Variants in STPG2 observed in about 807,000 individuals in gnomAD.
STPG2 encodes the protein sperm tail PG-rich repeat containing 2, also known as sperm-tail PG-rich repeat-containing protein 2.
STPG2 carries 56 observed loss-of-function variants against 54.2 expected under a neutral mutation model. The observed-to-expected ratio is 1.03, with a 90% CI of 0.83 to 1.29. STPG2 has a LOEUF of 1.29. Among genes scored for constraint, STPG2 ranks in the 50% most tolerant of loss-of-function variants. The pLI is 0.00. For synonymous variants in STPG2, 200 were observed against 181.8 expected (o/e 1.10, Z -0.81); for missense variants, 596 against 544.9 (o/e 1.09, Z -0.93).
chr4:98,113,915 G>C (rs1040741983), intron 3 of STPG2, among the ~76,000 whole-genome samples: 3 of 151,980 alleles, frequency 2.0e-5, no homozygotes, highest in Admixed American at 6.6e-5. Context: ...TGGGTGTAGG[G>C]GGGCAGAGAC....
chr4:97,944,933 A>C (rs1188127021), intron 7 of STPG2, among the ~76,000 whole-genome samples: 1 of 152,222 alleles, frequency 6.6e-6, no homozygotes, highest in Non-Finnish European at 1.5e-5. Context: ...ACTTTCAAAA[A>C]TAGAACAATC....
chr4:98,022,382 G>A (rs1263194923), intron 5 of STPG2, among the ~76,000 whole-genome samples: 1 of 152,190 alleles, frequency 6.6e-6, no homozygotes, highest in Non-Finnish European at 1.5e-5. Context: ...TCTGCCAAGA[G>A]ATCCACTGTT....
At chr4:97,988,233 T>C (rs1272079223) in intron 5 of STPG2, among the ~76,000 whole-genome samples, 1 of 152,188 alleles carries the variant, frequency 6.6e-6, no homozygotes, top group African/African-American at 2.4e-5. Flanking sequence ...ATCAGGTCAC[T>C]ATACAATGTC....
chr4:97,764,093 A>C (rs138586628), intron 9 of STPG2, among the ~76,000 whole-genome samples: 97 of 147,784 alleles, frequency 6.6e-4, no homozygotes, highest in Admixed American at 2.5e-3. Context: ...CTTCAAATCC[A>C]ACCTCCACAA....
chr4:97,685,558 G>A (rs1332781449), intron 10 of STPG2, among the ~76,000 whole-genome samples: 1 of 152,126 alleles, frequency 6.6e-6, no homozygotes, highest in Non-Finnish European at 1.5e-5. Flanking sequence ...ATGCAGGCAT[G>A]AATAGGTAGA....
intron 6 of STPG2, among the ~76,000 whole-genome samples, chr4:97,974,061 T>A (rs956178417): frequency 2.0e-5 from 3 of 152,178 alleles, no homozygotes; most frequent in African/African-American, 7.2e-5. Flanking sequence ...GGAGGCTGTA[T>A]CCTGCAAAGC....
At chr4:98,080,114 T>G (rs990148642) in intron 5 of STPG2, among the ~76,000 whole-genome samples, 7 of 152,048 alleles carry the variant, frequency 4.6e-5, no homozygotes, top group Admixed American at 1.3e-4. Context: ...AAAGTAAATA[T>G]ATAAAATCCA....
Position 97,690,041 on chromosome 4 carries a change from T to G in STPG2, c.1320+22658A>C, listed in dbSNP as rs1723316208. Among the ~76,000 whole-genome samples, 4 of 152,298 alleles carry G rather than the reference T, an allele frequency of 2.6e-5. No individual in the cohort carries two copies. The South Asian group carries it at 8.3e-4, about 32-fold the overall frequency. Reference sequence around the variant, plus strand: ...GGGACTGAAAACTAATTTTACACTTTAAGCATATTTAAATCAATAAAGCAG... The same window carrying G: ...GGGACTGAAAACTAATTTTACACTTGAAGCATATTTAAATCAATAAAGCAG... On this transcript the variant is annotated intron_variant, in intron 10 of 10. Coordinates refer to ENST00000295268, the MANE Select transcript of STPG2 (RefSeq NM_174952.3).
Position 97,668,723 on chromosome 4 carries a change from A to T in STPG2, c.1320+43976T>A, listed in dbSNP as rs1228647209. Among the ~76,000 whole-genome samples the T allele has an allele frequency of 2.0e-5, 3 of 150,016 alleles. No homozygotes were observed. In the Admixed American group the frequency reaches 2.0e-4, roughly 10 times the overall value. On this transcript the variant is annotated intron_variant, in intron 10 of 10. Coordinates refer to ENST00000295268, the MANE Select transcript of STPG2 (RefSeq NM_174952.3). ...AGAAAAACAAAAGAAAAGAAAAATT[A>T]AAGTTGATATCAGGATTTCTAATTT... is the stretch of plus-strand genomic sequence containing the variant.
At chr4:97,723,730 G>GA (rs1206355658) in intron 9 of STPG2, among the ~76,000 whole-genome samples, 1 of 152,130 alleles carries the variant, frequency 6.6e-6, no homozygotes, top group Non-Finnish European at 1.5e-5. Flanking sequence ...GAGGCCTCAG[G>GA]AAATGTACAG....
At chr4:97,921,608 G>C (rs1732111038) in intron 8 of STPG2, among the ~76,000 whole-genome samples, 1 of 151,708 alleles carries the variant, frequency 6.6e-6, no homozygotes, top group Non-Finnish European at 1.5e-5. Context: ...GGAACAAAAA[G>C]AAAGCAAAAA....
chr4:98,058,071 A>G (rs1378612017), intron 5 of STPG2, among the ~76,000 whole-genome samples: 1 of 152,198 alleles, frequency 6.6e-6, no homozygotes, highest in Admixed American at 6.5e-5. Context: ...GGTATTAAAT[A>G]TGGAAAGGAA....
rs931086969 is a variant in STPG2, at chr4:97,903,447, TA to T, written c.1044+40449del. 1.3e-4 allele frequency among the ~76,000 whole-genome samples: 19 copies of T among 144,592 alleles called. No homozygotes were observed. In the East Asian group the frequency reaches 1.6e-3, roughly 12 times the overall value. The allele number at this position is 144,592 out of a possible 152,430, so 94.9% of individuals were successfully genotyped here. A position where few individuals can be genotyped will look rare whatever the true frequency, so the allele number is the denominator to read the frequency against. ...GTATCTAAGCATACAATTAAAAATC[TA>T]AAAAAAAAACAGCAAATTAAATAAA... is the stretch of plus-strand genomic sequence containing the variant. On this transcript the variant is annotated intron_variant, in intron 8 of 10. Coordinates refer to ENST00000295268, the MANE Select transcript of STPG2 (RefSeq NM_174952.3).
intron 8 of STPG2, among the ~76,000 whole-genome samples, chr4:97,889,717 G>A (rs569227936): frequency 1.3e-5 from 2 of 152,198 alleles, no homozygotes; most frequent in African/African-American, 2.4e-5. Flanking sequence ...GTCAAATGCT[G>A]CAAAATTTCA....
intron 8 of STPG2, among the ~76,000 whole-genome samples, chr4:97,864,756 G>A (rs1290553741): frequency 2.0e-5 from 3 of 151,876 alleles, no homozygotes; most frequent in African/African-American, 7.3e-5. Context: ...ATAGACCAAT[G>A]GAACAGAACA....
chr4:97,665,086 C>T (rs1342636480), intron 10 of STPG2, among the ~76,000 whole-genome samples: 10 of 152,066 alleles, frequency 6.6e-5, no homozygotes, highest in Non-Finnish European at 1.0e-4. Context: ...CCCAGAAGCT[C>T]GGAGATGCCA....
intron 9 of STPG2, among the ~76,000 whole-genome samples, chr4:97,810,781 A>G (rs1297088521): frequency 6.6e-6 from 1 of 152,222 alleles, no homozygotes; most frequent in Non-Finnish European, 1.5e-5. Context: ...ACATTTATAT[A>G]AAATGTTACA....
At chr4:97,944,493 T>C (rs1220775577) in intron 7 of STPG2, among the ~76,000 whole-genome samples, 6 of 152,056 alleles carry the variant, frequency 3.9e-5, no homozygotes, top group Non-Finnish European at 8.8e-5. Flanking sequence ...AAGATTTAAA[T>C]TAATAGGCTA....
chr4:97,771,892 T>C (rs902660859), intron 9 of STPG2, among the ~76,000 whole-genome samples: 16 of 152,056 alleles, frequency 1.1e-4, no homozygotes, highest in Non-Finnish European at 4.4e-5. Flanking sequence ...CTTGTGGTGG[T>C]CTATATTGAA....
Sources: gnomAD v4.1 joint callset for allele counts (sites outside exome capture counted in the v4.1 genomes callset) on GRCh38, gnomAD v4.1.1 for gene constraint, MANE v1.5 for transcripts, NCBI Gene and HGNC (gene_info 2026-07-23, HGNC 2026-07-21) for gene names.